The following NINL variants were observed in gnomAD, a reference collection of about 807,000 sequenced individuals.
The protein encoded by NINL is ninein-like protein.
In NINL, 153 loss-of-function variants were observed where a neutral mutation model predicts 160.3. The observed-to-expected ratio is 0.95, with a 90% CI of 0.84 to 1.09. The LOEUF (loss-of-function observed/expected upper bound fraction) is 1.09. Among genes scored for constraint, NINL ranks in the 50% least tolerant of loss-of-function variants. The pLI is 0.00. For missense variants in NINL, 1,829 were observed against 1,764.0 expected, an observed-to-expected ratio of 1.04 and a Z score of -0.66; for synonymous variants, 800 against 734.8, an observed-to-expected ratio of 1.09 and a Z score of -1.43.
At chr20:25,529,471 G>A (rs1040265423) in intron 1 of NINL, among the ~76,000 whole-genome samples, 1 of 151,802 alleles carries the variant, frequency 6.6e-6, no homozygotes, top group Non-Finnish European at 1.5e-5. Context: ...GCAAGGGCCT[G>A]CCCTATTTGC....
At chr20:25,572,576 A>G (rs1308241665) in intron 1 of NINL, among the ~76,000 whole-genome samples, 1 of 152,176 alleles carries the variant, frequency 6.6e-6, no homozygotes, top group Non-Finnish European at 1.5e-5. Flanking sequence ...AGGCTAAGCA[A>G]TTTGCCCAAG....
In NINL at chr20:25,517,539, C is replaced by G. The variant is rs577289001; in HGVS notation, c.277+214G>C. On this transcript the variant is annotated intron_variant, in intron 3 of 23. Transcript: ENST00000278886. ...CACAGTGCAGTGTCATCATCCATGG[C>G]GGGCACAGTGCACGTTATTATATGA... Among the ~76,000 whole-genome samples the G allele has an allele frequency of 3.3e-5, 5 of 152,260 alleles. No individual in the cohort carries two copies. The East Asian group carries it at 7.7e-4, about 23-fold the overall frequency.
chr20:25,503,868 A>G (rs1348433281), intron 7 of NINL, 84 bp downstream of exon 7: 10 of 1,520,020 alleles, frequency 6.6e-6, no homozygotes, highest in Non-Finnish European at 9.1e-6. Context: ...GTGGTGACAC[A>G]GGCAGGGAGG....
Position 25,491,489 on chromosome 20 carries a change from G to A in NINL, c.1347C>T (p.Leu449=). ...GCTCCGCCTCCACCTCAGACCGCAG[G>A]AGGCTCAGCCTTTCCCGGTACCCCT... is the stretch of plus-strand genomic sequence containing the variant. ...LEQGYRERLS[L]LRSEVEAERE... is the part of the protein sequence containing the mutation. The change falls in exon 11 of 24, where the codon CTC becomes CTT. Residue 449 remains leucine (L), a synonymous_variant. Transcript: ENST00000278886. 1 of 1,614,068 alleles carries A rather than the reference G, an allele frequency of 6.2e-7. No homozygotes were observed. The highest frequency in any genetic ancestry group is 8.5e-7 in the Non-Finnish European group (1 of 1,180,000).
At chr20:25,570,232 A>G (rs541458742) in intron 1 of NINL, among the ~76,000 whole-genome samples, 2 of 152,250 alleles carry the variant, frequency 1.3e-5, no homozygotes, top group Admixed American at 1.3e-4. Flanking sequence ...AGACACCAAT[A>G]TGGTTTGGAT....
At chr20:25,530,477 T>C (rs776117926) in intron 1 of NINL, among the ~76,000 whole-genome samples, 15 of 152,042 alleles carry the variant, frequency 9.9e-5, no homozygotes, top group Non-Finnish European at 1.9e-4. Flanking sequence ...CTCCTGCTTG[T>C]ATGGGCATAT....
At chr20:25,467,912 G>T (rs2062959023) in intron 18 of NINL, among the ~76,000 whole-genome samples, 1 of 152,164 alleles carries the variant, frequency 6.6e-6, no homozygotes, top group Admixed American at 6.5e-5. Context: ...GAGAAAAAAT[G>T]GTTTCTAAAG....
chr20:25,502,242 A>C (rs973275138), intron 7 of NINL, among the ~76,000 whole-genome samples: 1 of 152,132 alleles, frequency 6.6e-6, no homozygotes, highest in African/African-American at 2.4e-5. Flanking sequence ...TTGGCCTCCC[A>C]AAGTGCTGGT....
intron 3 of NINL, among the ~76,000 whole-genome samples, chr20:25,517,272 C>G (rs1422751109): frequency 6.6e-6 from 1 of 151,958 alleles, no homozygotes. Flanking sequence ...AAGAGCCACC[C>G]CCATTTCACA....
At chr20:25,500,475 T>C (rs1451193723) in intron 8 of NINL, among the ~76,000 whole-genome samples, 1 of 152,178 alleles carries the variant, frequency 6.6e-6, no homozygotes, top group Non-Finnish European at 1.5e-5. Flanking sequence ...CATCAGTAAC[T>C]GCTGTAACAG....
At chr20:25,495,362 C>T (rs781600881) in intron 10 of NINL, among the ~76,000 whole-genome samples, 1 of 152,234 alleles carries the variant, frequency 6.6e-6, no homozygotes, top group Non-Finnish European at 1.5e-5. Context: ...GAGGGTGCCA[C>T]ACCACGTGGC....
chr20:25,559,800 TCTCA>T (rs2064912195), intron 1 of NINL, among the ~76,000 whole-genome samples: 1 of 151,936 alleles, frequency 6.6e-6, no homozygotes, highest in South Asian at 2.1e-4. Context: ...AAAGATGGGA[TCTCA>T]CTGTGTTGCC....
Position 25,481,968 on chromosome 20 carries a change from C to G in NINL, c.1810G>C (p.Gly604Arg). ...CCCCCTCCCAGGGACGGGCTCCTACCTGCTGGGCCGAGTCCAGGGAGCTGC... is the reference window on the plus strand; with the variant it reads ...CCCCCTCCCAGGGACGGGCTCCTACGTGCTGGGCCGAGTCCAGGGAGCTGC... ...RRQLPGLGPA[G>R]ISFLGNSAPV... Residue 604 changes from glycine (G) to arginine (R), a missense_variant and splice_region_variant, in exon 14 of 24, where the codon GGC (glycine) becomes CGC (arginine). Gly to Arg is a moderately radical substitution (Grantham distance 125). Coordinates refer to ENST00000278886, the MANE Select transcript of NINL (RefSeq NM_025176.6). 1 of 1,596,754 alleles carries G rather than the reference C, an allele frequency of 6.3e-7. No individual in the cohort carries two copies. The highest frequency in any genetic ancestry group is 8.5e-7 in the Non-Finnish European group (1 of 1,178,242).
At position 25,469,987 on chromosome 20, in the gene NINL, T is replaced by G. The variant is rs1395173130; in HGVS notation, c.3353+4A>C. On this transcript the variant is annotated splice_donor_region_variant and intron_variant, in intron 18 of 23. Transcript: ENST00000278886. ...GAAGGTCTGGGTAGGGGCGTGGCCCTTACCTCTGTGCATCGTGAGTACTTT... is the reference window on the plus strand; with the variant it reads ...GAAGGTCTGGGTAGGGGCGTGGCCCGTACCTCTGTGCATCGTGAGTACTTT... 1 of 1,609,078 alleles carries G rather than the reference T, an allele frequency of 6.2e-7. No individual in the cohort carries two copies. Among genetic ancestry groups the G allele is most frequent in the Non-Finnish European group, 8.5e-7 (1 of 1,175,400 alleles).
At chr20:25,505,221 A>G (rs2063940058) in intron 5 of NINL, 143 bp from the exon 6 acceptor site, 2 of 758,320 alleles carry the variant, frequency 2.6e-6, no homozygotes, top group East Asian at 3.0e-5. Context: ...TAGCAGACAC[A>G]GAAAGACAAA....
At chr20:25,518,598 T>C (rs2064204663) in intron 2 of NINL, among the ~76,000 whole-genome samples, 1 of 152,216 alleles carries the variant, frequency 6.6e-6, no homozygotes, top group South Asian at 2.1e-4. Context: ...TTAAGAATAG[T>C]AACAGTTGGA....
At chr20:25,568,410 T>C (rs2065018332) in intron 1 of NINL, among the ~76,000 whole-genome samples, 1 of 151,868 alleles carries the variant, frequency 6.6e-6, no homozygotes, top group Admixed American at 6.6e-5. Flanking sequence ...AATTTCTTTC[T>C]TACTTTTTTT....
chr20:25,493,284 G>C (rs1436445912), intron 10 of NINL, among the ~76,000 whole-genome samples: 1 of 152,156 alleles, frequency 6.6e-6, no homozygotes, highest in Non-Finnish European at 1.5e-5. Context: ...GCTGGGATGA[G>C]GCTGTGCTCG....
At chr20:25,478,878 G>T in intron 16 of NINL, 45 bp downstream of exon 16, 1 of 1,479,266 alleles carries the variant, frequency 6.8e-7, no homozygotes, top group South Asian at 1.4e-5. Flanking sequence ...TTTGGTTCTT[G>T]GCAAGAAACC....
Sources: allele counts gnomAD v4.1 joint callset (sites outside exome capture counted in the v4.1 genomes callset), GRCh38; gene constraint gnomAD v4.1.1; transcripts MANE v1.5; gene names NCBI Gene and HGNC (gene_info 2026-07-23, HGNC 2026-07-21).